Variants in GATA3 observed in about 807,000 individuals in gnomAD.
GATA3 encodes GATA binding protein 3.
A neutral mutation model predicts 36.0 loss-of-function variants in GATA3; 6 were observed. The observed-to-expected ratio is 0.17, with a 90% CI of 0.09 to 0.33. The LOEUF is 0.33. Ranked by LOEUF, GATA3 falls within the 10% of genes least tolerant of loss-of-function variation. The probability of loss-of-function intolerance (pLI) is 1.00; values close to 1 mark genes in which losing one functional copy is unlikely to be tolerated. For synonymous variants in GATA3, 326 were observed against 273.0 expected (o/e 1.19, Z -1.92); for missense variants, 514 against 610.1 (o/e 0.84, Z 1.66).
upstream of GATA3, chr10:8,051,234 G>A (rs758383398): frequency 6.7e-5 from 27 of 405,872 alleles, no homozygotes; most frequent in South Asian, 5.0e-4. Flanking sequence ...GAGAAAGTCC[G>A]GCTCCATTTC....
At chr10:8,069,831 A>C (rs566275546) in intron 5 of GATA3, among the ~76,000 whole-genome samples, 1 of 151,448 alleles carries the variant, frequency 6.6e-6, no homozygotes, top group African/African-American at 2.4e-5. Flanking sequence ...TGCATTGGAC[A>C]CTCCACATAC....
Position 8,058,361 on chromosome 10 carries a change from G to T in GATA3, c.298G>T (p.Gly100Cys). Residue 100 changes from glycine (G) to cysteine (C), a missense_variant, in exon 3 of 6, where the codon GGC becomes TGC. Physicochemically the swap from Gly to Cys is radical, Grantham distance 159 (BLOSUM62 -3). This residue lies in a region of GATA3 where 381 missense variants were observed against 354.3 expected (regional missense o/e 1.08). Coordinates refer to ENST00000379328, the MANE Select transcript of GATA3 (RefSeq NM_001002295.2). Reference protein sequence around the residue: ...LHGSLPWLDGGKALGSHHTAS... With the variant: ...LHGSLPWLDGCKALGSHHTAS... Reference sequence around the variant, plus strand: ...TGGATCCCTACCCTGGCTGGACGGCGGCAAAGCCCTGGGCAGCCACCACAC... The same window carrying T: ...TGGATCCCTACCCTGGCTGGACGGCTGCAAAGCCCTGGGCAGCCACCACAC... 3 of 1,613,012 alleles carry T rather than the reference G, an allele frequency of 1.9e-6. No individual in the cohort carries two copies. Among genetic ancestry groups the T allele is most frequent in the Non-Finnish European group, 2.5e-6 (3 of 1,179,994 alleles).
chr10:8,055,768 C>T lies in GATA3; in HGVS notation c.113C>T (p.Ala38Val), dbSNP rs2131482740. Residue 38 changes from alanine to valine, a missense_variant, in exon 2 of 6, where the codon GCG (alanine) becomes GTG (valine). Physicochemically the swap from Ala to Val is moderately conservative, Grantham distance 64 (BLOSUM62 0). This residue lies in a region of GATA3 where 381 missense variants were observed against 354.3 expected (regional missense o/e 1.08). Coordinates refer to ENST00000379328, the MANE Select transcript of GATA3 (RefSeq NM_001002295.2). This position sits in a 1 kb window ranked among gnomAD's most constrained non-coding sequence, Gnocchi z 5.4. ...HPGLSHSYMD[A>V]AQYPLPEEVD... ...GGCCTCAGCCACTCCTACATGGACG[C>T]GGCGCAGTACCCGCTGCCGGAGGAG... 1 of 1,590,436 alleles carries T rather than the reference C, an allele frequency of 6.3e-7. No homozygotes were observed. The highest frequency in any genetic ancestry group is 8.6e-7 in the Non-Finnish European group (1 of 1,168,490).
At chr10:8,047,996 C>T (rs958563705) in intron 1 of GATA3, among the ~76,000 whole-genome samples, 1 of 152,144 alleles carries the variant, frequency 6.6e-6, no homozygotes, top group African/African-American at 2.4e-5. Flanking sequence ...TCTACTGTCT[C>T]CAAGATCTGA....
chr10:8,047,264 G>A (rs777594953), intron 1 of GATA3, among the ~76,000 whole-genome samples: 2 of 152,196 alleles, frequency 1.3e-5, no homozygotes, highest in Non-Finnish European at 2.9e-5. Flanking sequence ...CTCTTCTGGA[G>A]GTTAAAGCAG....
At chr10:8,059,875 C>G (rs1832718998) in intron 3 of GATA3, among the ~76,000 whole-genome samples, 1 of 152,218 alleles carries the variant, frequency 6.6e-6, no homozygotes, top group Admixed American at 6.5e-5. Context: ...ATTTTGATGT[C>G]TCCTTAGGCG....
chr10:8,048,503 G>T (rs1283677646), intron 1 of GATA3, among the ~76,000 whole-genome samples: 1 of 152,178 alleles, frequency 6.6e-6, no homozygotes, highest in African/African-American at 2.4e-5. Flanking sequence ...CCCCTGGCTA[G>T]GAGTCACTGA....
intron 5 of GATA3, among the ~76,000 whole-genome samples, chr10:8,072,491 C>T (rs993529091): frequency 2.6e-5 from 4 of 152,214 alleles, no homozygotes; most frequent in African/African-American, 9.6e-5. Flanking sequence ...GCTTCTGCCT[C>T]CCTGTGGGGA....
chr10:8,066,459 T>G (rs1371529853), intron 4 of GATA3, among the ~76,000 whole-genome samples: 2 of 151,472 alleles, frequency 1.3e-5, no homozygotes, highest in African/African-American at 4.8e-5. Flanking sequence ...TCTTTTTTTT[T>G]TTTAGCCCTG....
At position 8,064,003 on chromosome 10, in the gene GATA3, G is replaced by A. The variant is rs1487988271; in HGVS notation, c.789G>A (p.Glu263=). The A allele has an allele frequency of 1.2e-6, 2 of 1,614,224 alleles. No individual in the cohort carries two copies. Among genetic ancestry groups the A allele is most frequent in the Admixed American group, 1.7e-5 (1 of 60,036 alleles). The change falls in exon 4 of 6, where the codon GAG becomes GAA. Residue 263 remains glutamate, a synonymous_variant. Coordinates refer to ENST00000379328, the MANE Select transcript of GATA3 (RefSeq NM_001002295.2). The part of the protein sequence containing the change: ...PKARSSTEGR[E]CVNCGATSTP... ...TGCTTTTGTTTCCAGAAGGCAGGGA[G>A]TGTGTGAACTGTGGGGCAACCTCGA...
intron 5 of GATA3, among the ~76,000 whole-genome samples, chr10:8,071,720 G>T (rs1352957125): frequency 2.0e-5 from 3 of 152,154 alleles, no homozygotes; most frequent in Non-Finnish European, 4.4e-5. Flanking sequence ...AACAATAAGA[G>T]ATAATAATCT....
intron 3 of GATA3, among the ~76,000 whole-genome samples, chr10:8,060,253 C>T (rs1020259687): frequency 6.6e-6 from 1 of 152,206 alleles, no homozygotes; most frequent in Non-Finnish European, 1.5e-5. Context: ...AGTCCGGATG[C>T]GGTTAGGCTG....
intron 4 of GATA3, among the ~76,000 whole-genome samples, chr10:8,066,998 C>A (rs1832853500): frequency 6.6e-6 from 1 of 151,796 alleles, no homozygotes; most frequent in Non-Finnish European, 1.5e-5. Context: ...ACCCAGGTGC[C>A]TGAGTGATAT....
intron 5 of GATA3, among the ~76,000 whole-genome samples, chr10:8,073,042 G>A (rs919069626): frequency 1.3e-5 from 2 of 151,312 alleles, no homozygotes; most frequent in African/African-American, 4.9e-5. Flanking sequence ...CTACTCAGGA[G>A]GCTGAGGCAG....
chr10:8,058,833 C>A lies in GATA3; in HGVS notation c.770C>A (p.Ser257Tyr), dbSNP rs1398302384. Residue 257 changes from serine (S) to tyrosine (Y), a missense_variant, in exon 3 of 6, where the codon TCC becomes TAC. Coordinates refer to ENST00000379328, the MANE Select transcript of GATA3 (RefSeq NM_001002295.2). ...FGCKSRPKAR[S>Y]STEGRECVNC... ...TGCAAGTCCAGGCCCAAGGCCCGGT[C>A]CAGCACAGGTAGGAGCCAGCTCTTC... is the stretch of plus-strand genomic sequence containing the variant. 1.2e-6 allele frequency: 2 copies of A among 1,603,540 alleles called. No homozygotes were observed. Among genetic ancestry groups the A allele is most frequent in the Admixed American group, 1.7e-5 (1 of 60,032 alleles).
At position 8,055,824 on chromosome 10, in the gene GATA3, G is replaced by A. The variant is rs2131482968; in HGVS notation, c.169G>A (p.Gly57Ser). The A allele has an allele frequency of 6.3e-7, 1 of 1,590,238 alleles. No homozygotes were observed. The highest frequency in any genetic ancestry group is 1.3e-5 in the African/African-American group (1 of 74,596). Residue 57 changes from glycine to serine, a missense_variant, in exon 2 of 6, where the codon GGC (glycine) becomes AGC (serine). Gly to Ser is a moderately conservative substitution (Grantham distance 56, BLOSUM62 0). This residue lies in a region of GATA3 where 381 missense variants were observed against 354.3 expected (regional missense o/e 1.08). Coordinates refer to ENST00000379328, the MANE Select transcript of GATA3 (RefSeq NM_001002295.2). The surrounding 1 kb of genome is among the most constrained non-coding windows in gnomAD (Gnocchi z 5.4). ...TGTGCTTTTTAACATCGACGGTCAA[G>A]GCAACCACGTCCCGCCCTACTACGG... ...VDVLFNIDGQ[G>S]NHVPPYYGNS...
rs1449853269 is a variant in GATA3, at chr10:8,055,510, C to A, written c.-146C>A. The A allele has an allele frequency of 4.6e-6, 4 of 874,888 alleles. No homozygotes were observed. The highest frequency in any genetic ancestry group is 5.2e-6 in the Non-Finnish European group (3 of 576,942). 54.2% of individuals were successfully genotyped at this position (874,888 alleles called of 1,614,324 possible). On this transcript the variant is annotated 5_prime_UTR_variant, in exon 2 of 6. Transcript: ENST00000379328. The surrounding 1 kb of genome is among the most constrained non-coding windows in gnomAD (Gnocchi z 5.4). Reference sequence around the variant, plus strand: ...TCCTTTGCTCACCTTTGCTTCCCAGCCTTCCCATCCCCCCACCGAAAGCAA... The same window carrying A: ...TCCTTTGCTCACCTTTGCTTCCCAGACTTCCCATCCCCCCACCGAAAGCAA...
At chr10:8,068,272 T>C (rs1482917856) in intron 4 of GATA3, among the ~76,000 whole-genome samples, 2 of 152,182 alleles carry the variant, frequency 1.3e-5, no homozygotes, top group Non-Finnish European at 2.9e-5. Flanking sequence ...TGCTACTCCA[T>C]GAACAGCAAG....
chr10:8,058,207 G>A (rs991309440), intron 2 of GATA3, 98 bp from the exon 3 acceptor site: 3 of 1,356,616 alleles, frequency 2.2e-6, no homozygotes, highest in Middle Eastern at 4.8e-4. Flanking sequence ...TGAAAAGGAG[G>A]CCGATGCGAG....
Sources: allele counts gnomAD v4.1 joint callset (sites outside exome capture counted in the v4.1 genomes callset), GRCh38; gene constraint gnomAD v4.1.1; regional missense constraint gnomAD v4.1.1; non-coding constraint Gnocchi (gnomAD v3.1); transcripts MANE v1.5; gene names NCBI Gene and HGNC (gene_info 2026-07-23, HGNC 2026-07-21).